The following NUTF2 variants were observed in gnomAD, a reference collection of about 807,000 sequenced individuals.
NUTF2 encodes nuclear transport factor 2.
Under a neutral mutation model 18.5 loss-of-function variants are expected in NUTF2, and 3 were observed. The ratio of observed to expected loss-of-function variants is 0.16; its 90% CI spans 0.07 to 0.42. NUTF2 has a LOEUF of 0.42. NUTF2 is among the 10% of genes least tolerant of loss of function. The pLI is 0.99. For missense variants in NUTF2, 44 were observed against 160.7 expected (o/e 0.27, Z 3.93); for synonymous variants, 51 against 57.9 (o/e 0.88, Z 0.54).
chr16:67,860,659 G>T (rs1324625212), intron 1 of NUTF2, among the ~76,000 whole-genome samples: 2 of 152,190 alleles, frequency 1.3e-5, no homozygotes, highest in Non-Finnish European at 2.9e-5. Flanking sequence ...TGTGTTTTTG[G>T]CCTCCGTGAT....
chr16:67,868,106 A>G (rs2057986703), intron 2 of NUTF2, among the ~76,000 whole-genome samples: 1 of 152,178 alleles, frequency 6.6e-6, no homozygotes, highest in South Asian at 2.1e-4. Context: ...TCTTAAATAC[A>G]AATGGGAAGT....
At chr16:67,863,261 C>T (rs898963748) in intron 1 of NUTF2, among the ~76,000 whole-genome samples, 4 of 152,168 alleles carry the variant, frequency 2.6e-5, no homozygotes, top group Admixed American at 6.5e-5. Flanking sequence ...GTGTGGCAGG[C>T]GTGACTGGAT....
At chr16:67,856,545 G>A (rs187626167) in intron 1 of NUTF2, among the ~76,000 whole-genome samples, 100 of 144,476 alleles carry the variant, frequency 6.9e-4, no homozygotes, top group Non-Finnish European at 1.3e-3. Flanking sequence ...TTTTGCTCTC[G>A]TTGCCCAGGC....
chr16:67,856,998 G>A (rs1331628912), intron 1 of NUTF2, among the ~76,000 whole-genome samples: 1 of 152,200 alleles, frequency 6.6e-6, no homozygotes, highest in African/African-American at 2.4e-5. Context: ...CTCACAGGAG[G>A]TGTTCCCTCC....
chr16:67,855,502 G>A (rs1425191698), intron 1 of NUTF2, among the ~76,000 whole-genome samples: 2 of 152,156 alleles, frequency 1.3e-5, no homozygotes, highest in East Asian at 1.9e-4. Flanking sequence ...TATGGGGATA[G>A]GGAACCCTTA....
chr16:67,849,004 C>T (rs2057831285), intron 1 of NUTF2, among the ~76,000 whole-genome samples: 1 of 152,190 alleles, frequency 6.6e-6, no homozygotes, highest in African/African-American at 2.4e-5. Context: ...TAGTTATTCT[C>T]CCTGGTCAGG....
chr16:67,853,105 A>G (rs1276499945), intron 1 of NUTF2, among the ~76,000 whole-genome samples: 1 of 152,194 alleles, frequency 6.6e-6, no homozygotes. Context: ...TGTCTTTAAA[A>G]TAAATTAAAT....
intron 1 of NUTF2, among the ~76,000 whole-genome samples, chr16:67,853,058 G>A (rs2151294938): frequency 6.6e-6 from 1 of 151,758 alleles, no homozygotes; most frequent in African/African-American, 2.4e-5. Flanking sequence ...TTATTTTAAT[G>A]AGATAAGGTC....
chr16:67,870,796 A>C lies in NUTF2; in HGVS notation c.271-4A>C. ...TTACTGAATCCTCTTTTCTCTCCTC[A>C]TAGGCGGATGAAGACCCCATCATGG... On this transcript the variant is annotated splice_polypyrimidine_tract_variant and splice_region_variant and intron_variant, in intron 4 of 4. Coordinates refer to ENST00000219169, the MANE Select transcript of NUTF2 (RefSeq NM_005796.3). 3.1e-6 allele frequency: 5 copies of C among 1,608,484 alleles called. No homozygotes were observed. Among genetic ancestry groups the C allele is most frequent in the Non-Finnish European group, 4.3e-6 (5 of 1,175,020 alleles).
intron 1 of NUTF2, among the ~76,000 whole-genome samples, chr16:67,850,112 A>T (rs59548058): frequency 0.053 from 8,083 of 151,834 alleles, 660 homozygotes; most frequent in African/African-American, 0.18. Context: ...TTCTTCAGGG[A>T]CAAAAAGATA....
chr16:67,851,774 G>C (rs901579243), intron 1 of NUTF2, among the ~76,000 whole-genome samples: 1 of 152,060 alleles, frequency 6.6e-6, no homozygotes, highest in Non-Finnish European at 1.5e-5. Context: ...CCAGCACTTT[G>C]GGAGGCTGAG....
chr16:67,860,181 A>G (rs920501856), intron 1 of NUTF2, among the ~76,000 whole-genome samples: 1 of 151,972 alleles, frequency 6.6e-6, no homozygotes, highest in Non-Finnish European at 1.5e-5. Context: ...GGGTTTCACC[A>G]TGTTAGCCAG....
intron 1 of NUTF2, among the ~76,000 whole-genome samples, chr16:67,863,354 C>G (rs1014449958): frequency 1.3e-5 from 2 of 152,078 alleles, no homozygotes; most frequent in African/African-American, 4.8e-5. Flanking sequence ...TTTAGTGCCA[C>G]TACCTCCTAG....
intron 4 of NUTF2, chr16:67,868,864 G>A (rs937840842): frequency 1.4e-5 from 5 of 347,668 alleles, no homozygotes; most frequent in African/African-American, 4.2e-5. Flanking sequence ...CCTATTGGCA[G>A]ACACTGGTCT....
chr16:67,848,268 C>T (rs1296668213), intron 1 of NUTF2, among the ~76,000 whole-genome samples: 2 of 152,104 alleles, frequency 1.3e-5, no homozygotes, highest in East Asian at 1.9e-4. Flanking sequence ...TTCTCTGAGC[C>T]GCAGTCTTTC....
At chr16:67,870,536 G>T (rs574765535) in intron 4 of NUTF2, 5 of 438,518 alleles carry the variant, frequency 1.1e-5, no homozygotes, top group Non-Finnish European at 2.0e-5. Context: ...CTCTTTTGCT[G>T]TAGCTAAGGG....
At chr16:67,867,358 T>G (rs1176284181) in intron 2 of NUTF2, among the ~76,000 whole-genome samples, 1 of 152,222 alleles carries the variant, frequency 6.6e-6, no homozygotes, top group Non-Finnish European at 1.5e-5. Flanking sequence ...TTCATAATAC[T>G]CAGCACATTA....
At chr16:67,868,440 G>A (rs1308340123) in intron 3 of NUTF2, 29 bp downstream of exon 3, 2 of 1,613,926 alleles carry the variant, frequency 1.2e-6, no homozygotes, top group Admixed American at 1.7e-5. Context: ...CAGGGTGCAG[G>A]TGGCTCCTTT....
chr16:67,856,617 T>G (rs559329892), intron 1 of NUTF2, among the ~76,000 whole-genome samples: 1 of 151,892 alleles, frequency 6.6e-6, no homozygotes, highest in East Asian at 1.9e-4. Context: ...CAAGCAATTA[T>G]CCTGCCTCAG....
Sources: allele counts gnomAD v4.1 joint callset (sites outside exome capture counted in the v4.1 genomes callset), GRCh38; gene constraint gnomAD v4.1.1; transcripts MANE v1.5; gene names NCBI Gene and HGNC (gene_info 2026-07-23, HGNC 2026-07-21).